EPHA6: variants seen among roughly 807,000 people sequenced by gnomAD.
The protein encoded by EPHA6 is EPH receptor A6.
In EPHA6, 50 loss-of-function variants were observed where a neutral mutation model predicts 112.0. The ratio of observed to expected loss-of-function variants is 0.45; its 90% confidence interval spans 0.36 to 0.56. The LOEUF is 0.56. Ranked by LOEUF, EPHA6 falls within the 20% of genes least tolerant of loss-of-function variation. The probability of loss-of-function intolerance (pLI) is 0.00; values close to 1 mark genes in which losing one functional copy is unlikely to be tolerated. For synonymous variants in EPHA6, 529 were observed against 490.7 expected, an observed-to-expected ratio of 1.08 and a Z score of -1.03; for missense variants, 1,280 against 1,417.4, an observed-to-expected ratio of 0.90 and a Z score of 1.56.
At chr3:97,531,920 A>C (rs995530989) in intron 10 of EPHA6, among the ~76,000 whole-genome samples, 2 of 152,038 alleles carry the variant, frequency 1.3e-5, no homozygotes, top group African/African-American at 4.8e-5. Context: ...TCTAACTGTC[A>C]ATGACGCCCA....
intron 3 of EPHA6, chr3:96,994,276 G>T: frequency 2.9e-6 from 1 of 348,274 alleles, no homozygotes; most frequent in Non-Finnish European, 5.9e-6. Context: ...AATCTCAGCT[G>T]ATATTTCATA....
At chr3:97,415,451 G>A (rs879875270) in intron 6 of EPHA6, among the ~76,000 whole-genome samples, 5 of 152,056 alleles carry the variant, frequency 3.3e-5, no homozygotes, top group African/African-American at 1.2e-4. Context: ...GGCAAAATTA[G>A]AAATGAAGAC....
intron 10 of EPHA6, among the ~76,000 whole-genome samples, chr3:97,513,260 A>C (rs1357042058): frequency 6.6e-6 from 1 of 152,184 alleles, no homozygotes; most frequent in Non-Finnish European, 1.5e-5. Context: ...AAAATGAAAA[A>C]TAGCACTACC....
chr3:97,635,158 A>C (rs2107548176), intron 13 of EPHA6, among the ~76,000 whole-genome samples: 1 of 152,226 alleles, frequency 6.6e-6, no homozygotes, highest in South Asian at 2.1e-4. Flanking sequence ...TGGACCCCTG[A>C]AAATGTCTTG....
intron 3 of EPHA6, among the ~76,000 whole-genome samples, chr3:97,142,691 A>G (rs2075943470): frequency 1.3e-5 from 2 of 151,950 alleles, no homozygotes; most frequent in Non-Finnish European, 2.9e-5. Context: ...CCAACAAAAG[A>G]AAAGCCCCAG....
chr3:97,691,237 A>G (rs2032645508), intron 14 of EPHA6, among the ~76,000 whole-genome samples: 1 of 152,328 alleles, frequency 6.6e-6, no homozygotes, highest in East Asian at 1.9e-4. Flanking sequence ...GTCTAAAATC[A>G]ATTGACCATA....
chr3:97,371,737 G>A (rs1293860647), intron 5 of EPHA6, among the ~76,000 whole-genome samples: 1 of 152,102 alleles, frequency 6.6e-6, no homozygotes, highest in Non-Finnish European at 1.5e-5. Flanking sequence ...AAAGCAAATA[G>A]GAGAAATATT....
chr3:96,849,436 G>A (rs2035261552), intron 1 of EPHA6, among the ~76,000 whole-genome samples: 1 of 152,036 alleles, frequency 6.6e-6, no homozygotes, highest in South Asian at 2.1e-4. Context: ...TGGGCTTTGT[G>A]TCAGGAAAAC....
intron 16 of EPHA6, among the ~76,000 whole-genome samples, chr3:97,737,830 G>T (rs2035337069): frequency 1.3e-5 from 2 of 151,946 alleles, no homozygotes; most frequent in Admixed American, 1.3e-4. Context: ...TAGTGGAAAG[G>T]ATGAAACCCT....
At chr3:97,203,131 G>T (rs544232207) in intron 3 of EPHA6, among the ~76,000 whole-genome samples, 1 of 152,074 alleles carries the variant, frequency 6.6e-6, no homozygotes, top group African/African-American at 2.4e-5. Flanking sequence ...ATTAAGCAGG[G>T]TAAGTAAATG....
intron 5 of EPHA6, among the ~76,000 whole-genome samples, chr3:97,364,305 A>G (rs2084581415): frequency 2.0e-5 from 3 of 151,276 alleles, no homozygotes. Flanking sequence ...ATATGGTAGA[A>G]CCTGTTAGTG....
chr3:96,858,446 G>A (rs1002310396), intron 1 of EPHA6, among the ~76,000 whole-genome samples: 22 of 152,152 alleles, frequency 1.4e-4, no homozygotes, highest in African/African-American at 5.3e-4. Flanking sequence ...AAGTTTCTTG[G>A]GACATGATAG....
chr3:97,134,254 G>C (rs1467725458), intron 3 of EPHA6, among the ~76,000 whole-genome samples: 1 of 151,998 alleles, frequency 6.6e-6, no homozygotes, highest in Non-Finnish European at 1.5e-5. Flanking sequence ...TATTTAGATT[G>C]CTTCTTTCAT....
At chr3:97,655,033 G>C (rs1409334498) in intron 14 of EPHA6, among the ~76,000 whole-genome samples, 1 of 150,812 alleles carries the variant, frequency 6.6e-6, no homozygotes, top group Non-Finnish European at 1.5e-5. Flanking sequence ...AAAATGAAGA[G>C]TGGTGAAGAT....
At chr3:97,059,727 T>G (rs2045959476) in intron 3 of EPHA6, among the ~76,000 whole-genome samples, 1 of 150,610 alleles carries the variant, frequency 6.6e-6, no homozygotes, top group Non-Finnish European at 1.5e-5. Context: ...AATATAATGA[T>G]AAGTGTAACT....
At chr3:97,581,553 TAGAG>T (rs746166044) in intron 11 of EPHA6, among the ~76,000 whole-genome samples, 48 of 152,198 alleles carry the variant, frequency 3.2e-4, no homozygotes, top group Middle Eastern at 3.2e-3. Flanking sequence ...TTACACATGA[TAGAG>T]AGAAAAGAGC....
At chr3:97,447,885 A>C in intron 6 of EPHA6, 1 of 649,898 alleles carries the variant, frequency 1.5e-6, no homozygotes, top group Non-Finnish European at 1.9e-6. Flanking sequence ...TGGGCAGATT[A>C]TTTTTAAATC....
At chr3:97,399,890 T>G (rs1243801476) in intron 5 of EPHA6, among the ~76,000 whole-genome samples, 5 of 151,470 alleles carry the variant, frequency 3.3e-5, no homozygotes, top group Non-Finnish European at 7.4e-5. Flanking sequence ...TTTTCAGGTG[T>G]TTTTTGACTC....
At chr3:97,486,313 T>C (rs572315570) in intron 10 of EPHA6, among the ~76,000 whole-genome samples, 1 of 152,226 alleles carries the variant, frequency 6.6e-6, no homozygotes, top group South Asian at 2.1e-4. Context: ...TTCAGAAAAA[T>C]AACAAAAATA....
Sources: allele counts gnomAD v4.1 joint callset (sites outside exome capture counted in the v4.1 genomes callset), GRCh38; gene constraint gnomAD v4.1.1; transcripts MANE v1.5; gene names NCBI Gene and HGNC (gene_info 2026-07-23, HGNC 2026-07-21).